Variants in APELA observed in about 807,000 individuals in gnomAD.
The protein encoded by APELA is apelin receptor early endogenous ligand.
chr4:164,895,904 G>T lies in APELA; in HGVS notation c.*490G>T, dbSNP rs1016729757. 1 of 152,058 alleles carries T rather than the reference G, an allele frequency of 6.6e-6. No individual in the cohort carries two copies. The highest frequency in any genetic ancestry group is 2.4e-5 in the African/African-American group (1 of 41,408). The allele number at this position is 152,058 out of a possible 1,614,324, so 9.4% of individuals were successfully genotyped here. Reference sequence around the variant, plus strand: ...TTGACCATTTGGCTTCGCACAATAGGGAGAAAATAATTGGTTCATTGATTA... The same window carrying T: ...TTGACCATTTGGCTTCGCACAATAGTGAGAAAATAATTGGTTCATTGATTA... On this transcript the variant is annotated 3_prime_UTR_variant, in exon 3 of 3. Transcript: ENST00000507152.
chr4:164,892,382 A>G (rs944402384), intron 2 of APELA, among the ~76,000 whole-genome samples: 4 of 152,164 alleles, frequency 2.6e-5, no homozygotes, highest in Non-Finnish European at 5.9e-5. Flanking sequence ...ATGTATATAT[A>G]TTATCATGTG....
At chr4:164,890,985 G>A (rs1032144444) in intron 2 of APELA, among the ~76,000 whole-genome samples, 1 of 152,160 alleles carries the variant, frequency 6.6e-6, no homozygotes, top group East Asian at 1.9e-4. Flanking sequence ...AAAATGTTGA[G>A]CATCTTTTCA....
chr4:164,881,782 C>G (rs1730657454), intron 2 of APELA, among the ~76,000 whole-genome samples: 1 of 151,852 alleles, frequency 6.6e-6, no homozygotes, highest in African/African-American at 2.4e-5. Flanking sequence ...TGCCTATAAT[C>G]CCAGCACTTT....
chr4:164,879,704 C>A (rs1461191853), intron 2 of APELA, among the ~76,000 whole-genome samples: 1 of 152,216 alleles, frequency 6.6e-6, no homozygotes, highest in African/African-American at 2.4e-5. Context: ...CTTGGCCTTC[C>A]AAAGTGCTGG....
At chr4:164,878,211 A>AGAAAGAAAGAAC (rs1398007591) in intron 1 of APELA, among the ~76,000 whole-genome samples, 9 of 151,992 alleles carry the variant, frequency 5.9e-5, no homozygotes, top group Non-Finnish European at 1.2e-4. Flanking sequence ...AAAGAAAGAA[A>AGAAAGAAAGAAC]GAAAGAAAGA....
At chr4:164,880,126 A>G (rs1730629618) in intron 2 of APELA, among the ~76,000 whole-genome samples, 1 of 152,204 alleles carries the variant, frequency 6.6e-6, no homozygotes, top group South Asian at 2.1e-4. Flanking sequence ...AATATCCCTC[A>G]TCTGGTTAAC....
chr4:164,887,120 G>A (rs186491586), intron 2 of APELA, among the ~76,000 whole-genome samples: 159 of 152,198 alleles, frequency 1.0e-3, no homozygotes, highest in Non-Finnish European at 4.9e-4. Context: ...GAGCCACTGC[G>A]CCCGGCCAGT....
At chr4:164,885,200 A>G (rs1211112262) in intron 2 of APELA, among the ~76,000 whole-genome samples, 2 of 152,020 alleles carry the variant, frequency 1.3e-5, no homozygotes, top group African/African-American at 2.4e-5. Context: ...GTGTGATCTC[A>G]GCTCACTGCA....
chr4:164,884,178 G>C (rs1355152530), intron 2 of APELA, among the ~76,000 whole-genome samples: 1 of 147,424 alleles, frequency 6.8e-6, no homozygotes, highest in Non-Finnish European at 1.5e-5. Context: ...AAAGAAAGGA[G>C]AGAAGAAAGA....
chr4:164,878,978 G>A lies in APELA; in HGVS notation c.135G>A (p.Met45Ile), dbSNP rs1730607315. The A allele has an allele frequency of 1.3e-5, 5 of 398,836 alleles. No homozygotes were observed. Among genetic ancestry groups the A allele is most frequent in the Admixed American group, 4.4e-5 (1 of 22,708 alleles). 24.7% of individuals were successfully genotyped at this position (398,836 alleles called of 1,614,324 possible). A position where few individuals can be genotyped will look rare whatever the true frequency, so the allele number is the denominator to read the frequency against. ...ACAATTGCCTTCAGAGGAGATGTAT[G>A]CCTCTCCATTCACGAGTACCCTTTC... ...RKHNCLQRRC[M>I]PLHSRVPFP is the part of the protein sequence containing the mutation. The change falls in exon 2 of 3, where the codon ATG becomes ATA. Residue 45 changes from methionine to isoleucine, a missense_variant. By Grantham distance (10) the Met-to-Ile change is conservative. Transcript: ENST00000507152.
chr4:164,891,509 T>C (rs1381360415), intron 2 of APELA, among the ~76,000 whole-genome samples: 1 of 152,204 alleles, frequency 6.6e-6, no homozygotes, highest in Admixed American at 6.5e-5. Flanking sequence ...AAGTTTGTAC[T>C]TCCTTTGTTA....
At chr4:164,877,900 A>G (rs377185570) in intron 1 of APELA, among the ~76,000 whole-genome samples, 12 of 152,312 alleles carry the variant, frequency 7.9e-5, no homozygotes, top group Admixed American at 2.0e-4. Context: ...CTAATTATGT[A>G]ACTAGGCATG....
intron 2 of APELA, among the ~76,000 whole-genome samples, chr4:164,880,876 TTAA>T (rs1242994051): frequency 6.6e-6 from 1 of 152,208 alleles, no homozygotes; most frequent in African/African-American, 2.4e-5. Context: ...TGCAAACTAC[TTAA>T]TAATAGCAAC....
intron 1 of APELA, among the ~76,000 whole-genome samples, chr4:164,878,196 A>AAAGAAAGAAAGAAAGAAAGAAAGAAAG (rs1553970695): frequency 6.5e-4 from 93 of 143,474 alleles, no homozygotes; most frequent in African/African-American, 2.4e-3. Flanking sequence ...AGAAACAGAA[A>AAAGAAAGAAAGAAAGAAAGAAAGAAAG]AAAGAAAGAA....
intron 2 of APELA, among the ~76,000 whole-genome samples, chr4:164,885,634 A>G (rs1195287850): frequency 1.3e-5 from 2 of 151,954 alleles, no homozygotes; most frequent in African/African-American, 4.8e-5. Context: ...CCAGCTGCTC[A>G]GGAAGCTGAG....
chr4:164,883,357 CA>C (rs1442988380), intron 2 of APELA, among the ~76,000 whole-genome samples: 4 of 152,138 alleles, frequency 2.6e-5, no homozygotes, highest in African/African-American at 7.2e-5. Context: ...TTCCAACTCA[CA>C]GCAAAAGATA....
intron 2 of APELA, among the ~76,000 whole-genome samples, chr4:164,889,968 G>C (rs1419717278): frequency 1.3e-5 from 2 of 152,118 alleles, no homozygotes; most frequent in East Asian, 3.8e-4. Flanking sequence ...TTTTATATAA[G>C]GGACTTCAGC....
At chr4:164,882,167 C>T (rs1308456121) in intron 2 of APELA, among the ~76,000 whole-genome samples, 1 of 151,916 alleles carries the variant, frequency 6.6e-6, no homozygotes, top group Non-Finnish European at 1.5e-5. Context: ...GCAATGGTGC[C>T]ATCTCGGCTC....
intron 2 of APELA, among the ~76,000 whole-genome samples, chr4:164,894,653 C>T (rs999322497): frequency 6.6e-5 from 10 of 152,148 alleles, no homozygotes; most frequent in African/African-American, 2.4e-4. Context: ...AATCCACCTG[C>T]CTCGGCTTCC....
Sources: gnomAD v4.1 joint callset for allele counts (sites outside exome capture counted in the v4.1 genomes callset) on GRCh38, gnomAD v4.1.1 for gene constraint, MANE v1.5 for transcripts, NCBI Gene and HGNC (gene_info 2026-07-23, HGNC 2026-07-21) for gene names.